The following MDN1 variants were observed in gnomAD, a reference collection of about 807,000 sequenced individuals.
MDN1 encodes midasin.
In MDN1, 266 loss-of-function variants were observed where a neutral mutation model predicts 669.2. The observed-to-expected ratio is 0.40, with a 90% CI of 0.36 to 0.44. MDN1 has a LOEUF of 0.44. Ranked by LOEUF, MDN1 falls within the 20% of genes least tolerant of loss-of-function variation. The pLI, the probability that MDN1 is intolerant of heterozygous loss-of-function variation, is 1.00. For missense variants in MDN1, 5,940 were observed against 6,754.0 expected (o/e 0.88, Z 4.22); for synonymous variants, 2,385 against 2,457.1 (o/e 0.97, Z 0.87).
chr6:89,645,786 G>A (rs531293548), intron 100 of MDN1, among the ~76,000 whole-genome samples: 1 of 152,330 alleles, frequency 6.6e-6, no homozygotes, highest in East Asian at 1.9e-4. Context: ...AGGGTGGGCT[G>A]TTTTAGCAAA....
In MDN1 at chr6:89,740,379, C is replaced by T. The variant is rs1816219965; in HGVS notation, c.4449-1G>A. ...CAGAGACTTTTCTACTTCAAGGACA[C>T]TAAAAGAAAAATTGAAGAACAGTGA... On this transcript the variant is annotated splice_acceptor_variant, in intron 31 of 101. Transcript: ENST00000369393. LOFTEE classifies it high-confidence loss of function. 2 of 1,569,778 alleles carry T rather than the reference C, an allele frequency of 1.3e-6. No homozygotes were observed. The highest frequency in any genetic ancestry group is 8.6e-7 in the Non-Finnish European group (1 of 1,167,186).
chr6:89,661,391 T>C (rs760370626), intron 88 of MDN1, 40 bp downstream of exon 88: 3 of 1,592,782 alleles, frequency 1.9e-6, no homozygotes, highest in South Asian at 1.1e-5. Flanking sequence ...TGTTCACTAA[T>C]GTGAGTTCTA....
At chr6:89,683,741 A>C (rs1205387874) in intron 72 of MDN1, 90 bp downstream of exon 72, 1 of 940,720 alleles carries the variant, frequency 1.1e-6, no homozygotes, top group East Asian at 2.4e-5. Context: ...CTTAATATTA[A>C]GTTAGGTTAT....
At chr6:89,644,966 G>A in intron 101 of MDN1, 49 bp downstream of exon 101, 2 of 1,550,632 alleles carry the variant, frequency 1.3e-6, no homozygotes, top group Non-Finnish European at 1.8e-6. Flanking sequence ...CAGGTTGAAG[G>A]GAATCCCCAC....
intron 40 of MDN1, among the ~76,000 whole-genome samples, chr6:89,720,677 T>G (rs777101916): frequency 2.0e-5 from 3 of 152,196 alleles, no homozygotes; most frequent in Admixed American, 6.5e-5. Context: ...ATTAATATAC[T>G]ATAAGTGGAT....
intron 17 of MDN1, among the ~76,000 whole-genome samples, chr6:89,760,954 A>T (rs1267785136): frequency 1.3e-5 from 2 of 152,078 alleles, no homozygotes; most frequent in Non-Finnish European, 1.5e-5. Context: ...AGGTCAGGAG[A>T]TCAAGATCAT....
chr6:89,731,617 G>C (rs1193127091), intron 34 of MDN1, among the ~76,000 whole-genome samples: 1 of 152,034 alleles, frequency 6.6e-6, no homozygotes, highest in Non-Finnish European at 1.5e-5. Flanking sequence ...CAGGGGATGG[G>C]GGGCAAGGGG....
At chr6:89,694,635 G>A (rs367751950) in intron 61 of MDN1, among the ~76,000 whole-genome samples, 8 of 151,974 alleles carry the variant, frequency 5.3e-5, no homozygotes, top group Non-Finnish European at 8.8e-5. Context: ...GCTTGACCCC[G>A]CAGGCTCAAG....
Position 89,688,566 on chromosome 6 carries a change from G to A in MDN1, c.11259+7C>T. ...TGTGAGCACTCCTTCCTCAACAGCT[G>A]CCCTACCTGTTCAAGCGCTGGGTGT... is the stretch of plus-strand genomic sequence containing the variant. On this transcript the variant is annotated splice_region_variant and intron_variant, in intron 66 of 101. Transcript: ENST00000369393. The A allele has an allele frequency of 6.2e-7, 1 of 1,611,316 alleles. No individual in the cohort carries two copies. Among genetic ancestry groups the A allele is most frequent in the Non-Finnish European group, 8.5e-7 (1 of 1,178,122 alleles).
chr6:89,793,466 A>G (rs1269221024), intron 5 of MDN1, among the ~76,000 whole-genome samples: 1 of 152,174 alleles, frequency 6.6e-6, no homozygotes, highest in East Asian at 1.9e-4. Flanking sequence ...TAATCCCAAC[A>G]CTTTGGGAGA....
chr6:89,809,993 T>TAAAAAA (rs61558155), intron 1 of MDN1, among the ~76,000 whole-genome samples: 23 of 52,822 alleles, frequency 4.4e-4, no homozygotes, highest in East Asian at 3.2e-3. Context: ...TCCGTTTCAC[T>TAAAAAA]AAAAAAAAAA....
At chr6:89,683,555 G>T (rs1330255606) in intron 72 of MDN1, among the ~76,000 whole-genome samples, 1 of 152,116 alleles carries the variant, frequency 6.6e-6, no homozygotes, top group Non-Finnish European at 1.5e-5. Flanking sequence ...GAAAGAATGG[G>T]ATTGCTTTGC....
chr6:89,670,168 A>ATT (rs1431713155), intron 83 of MDN1, among the ~76,000 whole-genome samples: 226 of 21,588 alleles, frequency 0.01, no homozygotes, highest in African/African-American at 0.013. Flanking sequence ...ATATATATAT[A>ATT]TATTTTTTTT....
intron 3 of MDN1, 85 bp downstream of exon 3, chr6:89,794,491 TC>T (rs1819464723): frequency 7.7e-7 from 1 of 1,305,570 alleles, no homozygotes; most frequent in Non-Finnish European, 1.1e-6. Flanking sequence ...TTAAATGGTT[TC>T]CTTTCCCTCC....
chr6:89,682,266 C>T lies in MDN1; in HGVS notation c.12102+866G>A, dbSNP rs959230675. On this transcript the variant is annotated intron_variant, in intron 73 of 101. Transcript: ENST00000369393. ...ATATTCTTAAACTGATGCTTCAAATCTTTGCTCATAGCAGATGAAATGTTC... is the reference window on the plus strand; with the variant it reads ...ATATTCTTAAACTGATGCTTCAAATTTTTGCTCATAGCAGATGAAATGTTC... Among the ~76,000 whole-genome samples the T allele has an allele frequency of 4.6e-5, 7 of 152,232 alleles. No homozygotes were observed. The East Asian group carries it at 1.2e-3, about 25-fold the overall frequency.
intron 38 of MDN1, among the ~76,000 whole-genome samples, chr6:89,724,124 C>A (rs1815036308): frequency 6.7e-6 from 1 of 150,044 alleles, no homozygotes; most frequent in South Asian, 2.1e-4. Flanking sequence ...GCCTGGGCGA[C>A]AGAGCAAGAT....
chr6:89,721,959 G>T (rs1310216864), intron 40 of MDN1, among the ~76,000 whole-genome samples: 4 of 152,108 alleles, frequency 2.6e-5, no homozygotes, highest in African/African-American at 9.7e-5. Context: ...TTTTCAAACA[G>T]TGAAGTTTAC....
chr6:89,671,213 G>C (rs1024992979), intron 82 of MDN1, 133 bp from the exon 83 acceptor site: 1 of 932,110 alleles, frequency 1.1e-6, no homozygotes, highest in African/African-American at 1.7e-5. Context: ...CAAGTTACAT[G>C]TATGTGTTTG....
chr6:89,745,134 T>TAAAAAA (rs60588845), intron 29 of MDN1, 139 bp downstream of exon 29: 43 of 282,958 alleles, frequency 1.5e-4, no homozygotes, highest in South Asian at 5.6e-4. Context: ...AGTCTCTTCT[T>TAAAAAA]AAAAAAAAAA....
Sources: gnomAD v4.1 joint callset for allele counts (sites outside exome capture counted in the v4.1 genomes callset) on GRCh38, gnomAD v4.1.1 for gene constraint, MANE v1.5 for transcripts, NCBI Gene and HGNC (gene_info 2026-07-23, HGNC 2026-07-21) for gene names.